Variants in NCK2 observed in about 807,000 individuals in gnomAD.
NCK2 encodes NCK adaptor protein 2.
NCK2 carries 16 observed loss-of-function variants against 33.9 expected under a neutral mutation model. That is an observed-to-expected ratio of 0.47 (90% CI 0.32 to 0.72). NCK2 has a LOEUF of 0.72. Ranked by LOEUF, NCK2 falls within the 30% of genes least tolerant of loss-of-function variation. The pLI is 0.03. For missense variants in NCK2, 418 were observed against 537.3 expected (o/e 0.78, Z 2.19); for synonymous variants, 273 against 239.9 (o/e 1.14, Z -1.27).
intron 1 of NCK2, among the ~76,000 whole-genome samples, chr2:105,753,724 A>G (rs1451506313): frequency 6.6e-6 from 1 of 152,022 alleles, no homozygotes; most frequent in Non-Finnish European, 1.5e-5. Flanking sequence ...GTTTTTCCTT[A>G]ATGAGTTGCT....
chr2:105,793,734 C>T (rs1690974335), intron 1 of NCK2, among the ~76,000 whole-genome samples: 1 of 152,228 alleles, frequency 6.6e-6, no homozygotes, highest in Admixed American at 6.5e-5. Context: ...GCGAAAGCTG[C>T]CTTAGGTGGC....
intron 1 of NCK2, among the ~76,000 whole-genome samples, chr2:105,760,819 A>C (rs1382503440): frequency 6.6e-6 from 1 of 151,688 alleles, no homozygotes; most frequent in African/African-American, 2.4e-5. Context: ...AGAGACACCG[A>C]GACCCCACGT....
At chr2:105,787,211 C>T (rs1249067020) in intron 1 of NCK2, among the ~76,000 whole-genome samples, 1 of 152,224 alleles carries the variant, frequency 6.6e-6, no homozygotes, top group Non-Finnish European at 1.5e-5. Context: ...AAGCTCAGCT[C>T]AGCGCCGTGG....
intron 2 of NCK2, among the ~76,000 whole-genome samples, chr2:105,844,825 GATAT>G (rs1159347913): frequency 6.8e-6 from 1 of 146,598 alleles, no homozygotes; most frequent in African/African-American, 2.5e-5. Context: ...CATAAAAATA[GATAT>G]ATATATTTTG....
chr2:105,841,133 C>T (rs187459415), intron 2 of NCK2, among the ~76,000 whole-genome samples: 21 of 152,292 alleles, frequency 1.4e-4, no homozygotes, highest in Admixed American at 7.8e-4. Context: ...TTGTCTCTTC[C>T]GACATTCACT....
intron 2 of NCK2, among the ~76,000 whole-genome samples, chr2:105,827,779 G>C (rs1223350661): frequency 6.6e-6 from 1 of 152,194 alleles, no homozygotes; most frequent in East Asian, 1.9e-4. Flanking sequence ...ATAGAGAGCA[G>C]GTTAGTGTTT....
chr2:105,832,122 T>C (rs1489319079), intron 2 of NCK2, among the ~76,000 whole-genome samples: 4 of 152,220 alleles, frequency 2.6e-5, no homozygotes, highest in Non-Finnish European at 4.4e-5. Context: ...TTTTTTTCTT[T>C]TATTTTTAGC....
intron 2 of NCK2, among the ~76,000 whole-genome samples, chr2:105,829,732 C>T (rs1676094186): frequency 6.6e-6 from 1 of 152,162 alleles, no homozygotes; most frequent in Non-Finnish European, 1.5e-5. Context: ...ATTCTTCACT[C>T]CATACTGACT....
At chr2:105,839,660 C>T (rs982726223) in intron 2 of NCK2, among the ~76,000 whole-genome samples, 4 of 152,162 alleles carry the variant, frequency 2.6e-5, no homozygotes, top group African/African-American at 9.7e-5. Context: ...ATTTGAAGTG[C>T]ATGTTAGACA....
chr2:105,767,825 G>C (rs994068689), intron 1 of NCK2, among the ~76,000 whole-genome samples: 4 of 152,184 alleles, frequency 2.6e-5, no homozygotes, highest in Admixed American at 6.5e-5. Context: ...GGGATTGCTA[G>C]CATGAAATTG....
At chr2:105,884,350 T>G (rs1450733896) in intron 4 of NCK2, among the ~76,000 whole-genome samples, 2 of 152,080 alleles carry the variant, frequency 1.3e-5, no homozygotes, top group East Asian at 3.9e-4. Context: ...AGCCCTTAGG[T>G]TCATGATCTG....
intron 4 of NCK2, among the ~76,000 whole-genome samples, chr2:105,890,213 G>A (rs758191859): frequency 9.2e-5 from 14 of 152,072 alleles, no homozygotes; most frequent in Non-Finnish European, 1.6e-4. Context: ...TTTTATTGCT[G>A]CAACTCATGC....
intron 1 of NCK2, among the ~76,000 whole-genome samples, chr2:105,800,242 C>T (rs182480289): frequency 3.3e-5 from 5 of 152,276 alleles, no homozygotes; most frequent in South Asian, 2.1e-4. Flanking sequence ...CCCCAGGCTC[C>T]GGTTCCAACT....
At chr2:105,777,464 G>A (rs545563469) in intron 1 of NCK2, among the ~76,000 whole-genome samples, 8 of 152,300 alleles carry the variant, frequency 5.3e-5, no homozygotes, top group East Asian at 1.9e-4. Flanking sequence ...CTGGCACGGC[G>A]TGGGTGGAGA....
At chr2:105,798,911 T>G (rs969024481) in intron 1 of NCK2, among the ~76,000 whole-genome samples, 15 of 152,236 alleles carry the variant, frequency 9.9e-5, no homozygotes, top group Non-Finnish European at 1.6e-4. Flanking sequence ...ACCAGGTTGT[T>G]GTCATCACAC....
At position 105,763,439 on chromosome 2, in the gene NCK2, G is replaced by A. The variant is rs972562039; in HGVS notation, c.-201+18301G>A. The stretch of plus-strand genomic sequence containing the variant: ...TAACGACAAAACATGCCCCAAGTGG[G>A]TAAAATGAAAACCTGTTCTCAAAAG... On this transcript the variant is annotated intron_variant, in intron 1 of 4. Coordinates refer to ENST00000233154, the MANE Select transcript of NCK2 (RefSeq NM_003581.5). Among the ~76,000 whole-genome samples the A allele has an allele frequency of 3.3e-5, 5 of 152,112 alleles. 1 individual carries two copies. The highest frequency in any genetic ancestry group is 3.3e-4 in the Admixed American group (5 of 15,276).
intron 1 of NCK2, among the ~76,000 whole-genome samples, chr2:105,775,975 C>G (rs564185164): frequency 6.6e-6 from 1 of 152,172 alleles, no homozygotes; most frequent in Non-Finnish European, 1.5e-5. Flanking sequence ...AATTGTTGAC[C>G]GTCAGTTGCT....
Position 105,771,212 on chromosome 2 carries a change from G to A in NCK2, c.-201+26074G>A, listed in dbSNP as rs956344820. Among the ~76,000 whole-genome samples, 8 of 151,754 alleles carry A rather than the reference G, an allele frequency of 5.3e-5. No homozygotes were observed. In the South Asian group the frequency reaches 8.4e-4, roughly 16 times the overall value. ...GCTGGGATTACAGGCGTGAGCCACC[G>A]CGCCCCGCCCAATATCACTATTTCT... On this transcript the variant is annotated intron_variant, in intron 1 of 4. Coordinates refer to ENST00000233154, the MANE Select transcript of NCK2 (RefSeq NM_003581.5).
At chr2:105,845,857 C>T (rs181841270) in intron 2 of NCK2, among the ~76,000 whole-genome samples, 59 of 152,218 alleles carry the variant, frequency 3.9e-4, no homozygotes, top group African/African-American at 1.3e-3. Flanking sequence ...ACTTGTGTTT[C>T]CTAAGAAGCC....
Sources: allele counts gnomAD v4.1 joint callset (sites outside exome capture counted in the v4.1 genomes callset), GRCh38; gene constraint gnomAD v4.1.1; transcripts MANE v1.5; gene names NCBI Gene and HGNC (gene_info 2026-07-23, HGNC 2026-07-21).